Variants in PCSK5 observed in about 807,000 individuals in gnomAD.
PCSK5 encodes proprotein convertase subtilisin/kexin type 5, also known as prohormone convertase 5.
PCSK5 carries 129 observed loss-of-function variants against 233.2 expected under a neutral mutation model. The observed-to-expected ratio is 0.55, with a 90% CI of 0.48 to 0.64. The LOEUF (loss-of-function observed/expected upper bound fraction) is 0.64. PCSK5 is among the 30% of genes least tolerant of loss of function. PCSK5 has a pLI of 0.00. For synonymous variants in PCSK5, 825 were observed against 879.2 expected, an observed-to-expected ratio of 0.94 and a Z score of 1.09; for missense variants, 2,076 against 2,430.1, an observed-to-expected ratio of 0.85 and a Z score of 3.06.
In PCSK5 at chr9:76,016,201, T is replaced by C. The variant is rs534594179; in HGVS notation, c.412-7537T>C. Among the ~76,000 whole-genome samples the C allele has an allele frequency of 4.6e-5, 7 of 152,372 alleles. No individual in the cohort carries two copies. The South Asian group carries it at 1.4e-3, about 32-fold the overall frequency. ...GAGGGCAAGTGGGGGATGGAGAGGA[T>C]ATGTTACATCTTGGTAAAGGTATGG... On this transcript the variant is annotated intron_variant, in intron 3 of 37. Transcript: ENST00000674117.
chr9:75,892,546 C>T (rs1825656990), intron 1 of PCSK5, among the ~76,000 whole-genome samples: 1 of 152,196 alleles, frequency 6.6e-6, no homozygotes, highest in African/African-American at 2.4e-5. Context: ...CCGGGGTGCA[C>T]GCACCCTGCG....
At chr9:76,229,707 G>A (rs1826014490) in intron 21 of PCSK5, among the ~76,000 whole-genome samples, 1 of 152,214 alleles carries the variant, frequency 6.6e-6, no homozygotes, top group Non-Finnish European at 1.5e-5. Flanking sequence ...TCAGCAAAGA[G>A]GACCAGCTAA....
intron 1 of PCSK5, among the ~76,000 whole-genome samples, chr9:75,920,085 C>G (rs908458243): frequency 6.6e-6 from 1 of 152,134 alleles, no homozygotes; most frequent in African/African-American, 2.4e-5. Context: ...AGGAGAATCA[C>G]TTGAATGCGG....
At chr9:76,076,360 A>G (rs955773742) in intron 7 of PCSK5, among the ~76,000 whole-genome samples, 2 of 152,170 alleles carry the variant, frequency 1.3e-5, no homozygotes, top group South Asian at 4.1e-4. Flanking sequence ...GACTAAACAG[A>G]ATTGTGGCCT....
At chr9:76,157,221 A>G (rs914467070) in intron 11 of PCSK5, 59 bp downstream of exon 11, 1 of 1,104,906 alleles carries the variant, frequency 9.1e-7, no homozygotes, top group Non-Finnish European at 1.4e-6. Flanking sequence ...AAGCCAGTCA[A>G]TTGCTCAAGA....
rs148752424 is a variant in PCSK5, at chr9:76,291,521, C to T, written c.3143-712C>T. On this transcript the variant is annotated intron_variant, in intron 24 of 37. Transcript: ENST00000674117. Reference sequence around the variant, plus strand: ...AGAACTGCAGGCCAGAGGAAGTCACCGAATTCTCTTAATAGCTAGATCTGA... The same window carrying T: ...AGAACTGCAGGCCAGAGGAAGTCACTGAATTCTCTTAATAGCTAGATCTGA... 3.8e-3 allele frequency among the ~76,000 whole-genome samples: 579 copies of T among 152,180 alleles called. 4 individuals carry two copies. The highest frequency in any genetic ancestry group is 0.023 in the South Asian group (113 of 4,816).
intron 10 of PCSK5, among the ~76,000 whole-genome samples, chr9:76,137,521 TC>T (rs1198357575): frequency 1.3e-5 from 2 of 152,132 alleles, no homozygotes; most frequent in African/African-American, 2.4e-5. Context: ...GATTAGTTTT[TC>T]ACAATAAACA....
intron 3 of PCSK5, among the ~76,000 whole-genome samples, chr9:76,014,147 A>G (rs1827849550): frequency 6.6e-6 from 1 of 152,126 alleles, no homozygotes; most frequent in Non-Finnish European, 1.5e-5. Context: ...AGTTCTATGC[A>G]AGCAGAATTT....
intron 7 of PCSK5, among the ~76,000 whole-genome samples, chr9:76,089,176 C>T (rs532905814): frequency 5.9e-5 from 9 of 152,134 alleles, no homozygotes; most frequent in South Asian, 2.1e-4. Context: ...ATATGGAGTA[C>T]GGAATAACCA....
chr9:76,323,012 TA>T (rs1829252148), intron 31 of PCSK5, 39 bp from the exon 32 acceptor site: 1 of 1,129,670 alleles, frequency 8.9e-7, no homozygotes, highest in Non-Finnish European at 1.3e-6. Context: ...TCCTTTCTCC[TA>T]CCCCCCGGGG....
At chr9:76,332,319 C>T (rs1174003976) in intron 33 of PCSK5, 114 bp from the exon 34 acceptor site, 31 of 685,182 alleles carry the variant, frequency 4.5e-5, no homozygotes, top group Non-Finnish European at 6.8e-5. Context: ...ACAGGATCAT[C>T]CCATTCCTCC....
chr9:76,205,112 G>C, intron 20 of PCSK5: 1 of 518,890 alleles, frequency 1.9e-6, no homozygotes, highest in South Asian at 1.4e-5. Flanking sequence ...CTTTAGGTTT[G>C]CTGCCTAGAA....
chr9:76,257,515 A>T lies in PCSK5; in HGVS notation c.3142+16831A>T, dbSNP rs140479816. Among the ~76,000 whole-genome samples the T allele has an allele frequency of 2.5e-3, 381 of 152,290 alleles. 3 individuals are homozygous for T. The highest frequency in any genetic ancestry group is 8.7e-3 in the African/African-American group (362 of 41,568). ...AAAGTCAACAGGAGGGTAATTTGGT[A>T]GGCATCCAGACTCATCCTTTCCACA... On this transcript the variant is annotated intron_variant, in intron 24 of 37. Coordinates refer to ENST00000674117, the MANE Select transcript of PCSK5 (RefSeq NM_001372043.1).
chr9:76,201,303 T>C (rs915906899), intron 20 of PCSK5, among the ~76,000 whole-genome samples: 2 of 152,200 alleles, frequency 1.3e-5, no homozygotes, highest in Admixed American at 1.3e-4. Context: ...GTAACCCCCA[T>C]ATGCGGAGTA....
In PCSK5 at chr9:76,359,600, G is replaced by A. The variant is rs1830391433; in HGVS notation, c.*678G>A. ...CACCCCAGGCCCTAGTTCCTCCGCA[G>A]GAATCCAGAGTCACAACAATTCTAA... On this transcript the variant is annotated 3_prime_UTR_variant, in exon 38 of 38. Transcript: ENST00000674117. The A allele has an allele frequency of 6.6e-6, 1 of 152,146 alleles. No homozygotes were observed. Among genetic ancestry groups the A allele is most frequent in the African/African-American group, 2.4e-5 (1 of 41,418 alleles). The allele number at this position is 152,146 out of a possible 1,614,324, so 9.4% of individuals were successfully genotyped here. A position where few individuals can be genotyped will look rare whatever the true frequency, so the allele number is the denominator to read the frequency against.
At chr9:75,982,844 T>G (rs560889697) in intron 2 of PCSK5, among the ~76,000 whole-genome samples, 3 of 151,668 alleles carry the variant, frequency 2.0e-5, no homozygotes, top group Non-Finnish European at 4.4e-5. Context: ...TGTATTATAC[T>G]TAGATACAAT....
intron 1 of PCSK5, among the ~76,000 whole-genome samples, chr9:75,912,335 A>T (rs1019349714): frequency 2.0e-5 from 3 of 152,188 alleles, no homozygotes; most frequent in African/African-American, 7.2e-5. Context: ...GCATGGCAAG[A>T]AGCCCGGTGA....
At position 76,023,660 on chromosome 9, in the gene PCSK5, C is replaced by T. The variant is rs987610754; in HGVS notation, c.412-78C>T. On this transcript the variant is annotated intron_variant, in intron 3 of 37. Coordinates refer to ENST00000674117, the MANE Select transcript of PCSK5 (RefSeq NM_001372043.1). ...CCTGGGCAGCAGAGAAAAAAAAAAACAAAAGAAAGAAAGAAATAGGTAATT... is the reference window on the plus strand; with the variant it reads ...CCTGGGCAGCAGAGAAAAAAAAAAATAAAAGAAAGAAAGAAATAGGTAATT... 6.1e-6 allele frequency: 8 copies of T among 1,309,098 alleles called. No homozygotes were observed. The Admixed American group carries it at 9.0e-5, about 15-fold the overall frequency. 81.1% of individuals were successfully genotyped at this position (1,309,098 alleles called of 1,614,324 possible).
chr9:75,935,671 CT>C (rs1228875631), intron 2 of PCSK5, among the ~76,000 whole-genome samples: 4 of 151,368 alleles, frequency 2.6e-5, no homozygotes, highest in Admixed American at 6.6e-5. Context: ...CTTCAGCTTT[CT>C]TTTTTTTTCT....
Sources: allele counts gnomAD v4.1 joint callset (sites outside exome capture counted in the v4.1 genomes callset), GRCh38; gene constraint gnomAD v4.1.1; transcripts MANE v1.5; gene names NCBI Gene and HGNC (gene_info 2026-07-23, HGNC 2026-07-21).